The following EML1 variants were observed in gnomAD, a reference collection of about 807,000 sequenced individuals.
EML1 encodes echinoderm microtubule-associated protein-like 1.
EML1 carries 27 observed loss-of-function variants against 110.4 expected under a neutral mutation model. The ratio of observed to expected loss-of-function variants is 0.24; its 90% CI spans 0.18 to 0.34. EML1 has a LOEUF of 0.34. EML1 is among the 10% of genes least tolerant of loss of function. The pLI is 1.00. For synonymous variants in EML1, 344 were observed against 385.8 expected, an observed-to-expected ratio of 0.89 and a Z score of 1.27; for missense variants, 741 against 1,030.9, an observed-to-expected ratio of 0.72 and a Z score of 3.85.
chr14:99,820,950 A>G (rs898380246), intron 1 of EML1, among the ~76,000 whole-genome samples: 21 of 151,762 alleles, frequency 1.4e-4, no homozygotes, highest in African/African-American at 2.4e-4. Context: ...CCCGCCCCCA[A>G]TTGCATTTGA....
chr14:99,841,194 C>G (rs2058626784), intron 1 of EML1, among the ~76,000 whole-genome samples: 1 of 152,218 alleles, frequency 6.6e-6, no homozygotes, highest in Non-Finnish European at 1.5e-5. Context: ...CATCACATTT[C>G]CTCAACTTGG....
chr14:99,781,264 GC>G lies in EML1; in HGVS notation c.-27+7253del, dbSNP rs919810697. 1.2e-4 allele frequency among the ~76,000 whole-genome samples: 19 copies of G among 152,018 alleles called. No individual in the cohort carries two copies. The highest frequency in any genetic ancestry group is 5.2e-4 in the Admixed American group (8 of 15,262). On this transcript the variant is annotated intron_variant, in intron 1 of 22. Transcript: ENST00000327921. The surrounding 1 kb of genome is among the most constrained non-coding windows in gnomAD (Gnocchi z 4.2). ...CGCCCCCTCAGGTGGGTTTCCCGGT[GC>G]CTTTCTCCTCCCCCACCACCTGTTT...
intron 1 of EML1, among the ~76,000 whole-genome samples, chr14:99,831,015 G>T (rs1439745759): frequency 6.6e-6 from 1 of 152,148 alleles, no homozygotes; most frequent in East Asian, 1.9e-4. Context: ...ATACTGTCCT[G>T]TGTCATCTAA....
intron 6 of EML1, among the ~76,000 whole-genome samples, chr14:99,896,905 TAAAAC>T (rs1439223246): frequency 6.6e-6 from 1 of 152,178 alleles, no homozygotes; most frequent in Non-Finnish European, 1.5e-5. Context: ...TTTCTAAAAA[TAAAAC>T]CAAATCATTG....
At chr14:99,745,284 T>C (rs182987634) in intron 1 of EML1, among the ~76,000 whole-genome samples, 1 of 152,326 alleles carries the variant, frequency 6.6e-6, no homozygotes, top group Non-Finnish European at 1.5e-5. Context: ...CAGTCTGGTC[T>C]CAAACTTCTG....
chr14:99,786,301 A>C lies in EML1; in HGVS notation c.-27+12288A>C, dbSNP rs142728337. 1.8e-4 allele frequency among the ~76,000 whole-genome samples: 28 copies of C among 152,244 alleles called. 1 individual carries two copies. In the East Asian group the frequency reaches 5.0e-3, roughly 27 times the overall value. On this transcript the variant is annotated intron_variant, in intron 1 of 22. Coordinates refer to the EML1 transcript ENST00000327921. ...ATGATGGGCAGGGAGGAAATGGAGA[A>C]TGTTACCCTGGAGAAGATGTGTGTT...
intron 2 of EML1, among the ~76,000 whole-genome samples, chr14:99,854,359 C>T (rs772946105): frequency 1.5e-4 from 23 of 152,274 alleles, no homozygotes; most frequent in Non-Finnish European, 2.9e-4. Context: ...ACTAGTATAA[C>T]GATGAGAACT....
At chr14:99,800,458 C>G (rs2057854616) in intron 1 of EML1, among the ~76,000 whole-genome samples, 1 of 151,982 alleles carries the variant, frequency 6.6e-6, no homozygotes, top group African/African-American at 2.4e-5. Flanking sequence ...AACCCTTGGA[C>G]TCTAGCAATC....
intron 1 of EML1, among the ~76,000 whole-genome samples, chr14:99,810,196 C>T (rs1290092505): frequency 6.6e-6 from 1 of 152,190 alleles, no homozygotes; most frequent in African/African-American, 2.4e-5. Context: ...CCTTCAGAAC[C>T]AGCCAGATGC....
chr14:99,774,160 A>T (rs2057457279), intron 1 of EML1: 1 of 152,452 alleles, frequency 6.6e-6, no homozygotes, highest in African/African-American at 2.4e-5. Context: ...ACTCCAGGGG[A>T]GACAGGGAGG....
intron 3 of EML1, among the ~76,000 whole-genome samples, chr14:99,876,072 G>A (rs2059285662): frequency 6.6e-6 from 1 of 152,148 alleles, no homozygotes; most frequent in Non-Finnish European, 1.5e-5. Flanking sequence ...TACTAACTGA[G>A]CCACTGGAAG....
chr14:99,885,628 A>C (rs995368184), intron 4 of EML1, among the ~76,000 whole-genome samples: 1 of 152,164 alleles, frequency 6.6e-6, no homozygotes, highest in Non-Finnish European at 1.5e-5. Context: ...AAAATGTTTC[A>C]CTCTTCAAGC....
intron 2 of EML1, among the ~76,000 whole-genome samples, chr14:99,860,921 T>C (rs1325041612): frequency 6.6e-6 from 1 of 152,160 alleles, no homozygotes; most frequent in African/African-American, 2.4e-5. Context: ...TTTTAAGATA[T>C]AAAATATACA....
At chr14:99,754,714 G>A (rs1201183882) in intron 1 of EML1, among the ~76,000 whole-genome samples, 3 of 152,180 alleles carry the variant, frequency 2.0e-5, no homozygotes, top group Non-Finnish European at 1.5e-5. Flanking sequence ...CCCTCTACCA[G>A]CTGCGTTATC....
intron 17 of EML1, among the ~76,000 whole-genome samples, chr14:99,933,676 T>G (rs2060414722): frequency 6.6e-6 from 1 of 152,274 alleles, no homozygotes; most frequent in Admixed American, 6.5e-5. Flanking sequence ...CACGCCTCAC[T>G]GTCCTCTCTT....
intron 1 of EML1, among the ~76,000 whole-genome samples, chr14:99,752,035 C>T (rs149393344): frequency 2.7e-4 from 41 of 152,208 alleles, no homozygotes; most frequent in Middle Eastern, 3.4e-3. Flanking sequence ...TTTTGCCAGC[C>T]CTTGCTGGAG....
intron 1 of EML1, among the ~76,000 whole-genome samples, chr14:99,812,389 C>T (rs550200576): frequency 6.6e-6 from 1 of 152,018 alleles, no homozygotes; most frequent in African/African-American, 2.4e-5. Flanking sequence ...TGAATATTTT[C>T]TAACCTAACT....
intron 1 of EML1, among the ~76,000 whole-genome samples, chr14:99,760,385 T>C (rs1457013259): frequency 6.6e-6 from 1 of 152,274 alleles, no homozygotes; most frequent in East Asian, 1.9e-4. Flanking sequence ...TCACAAGCAT[T>C]TCCCACATTG....
At chr14:99,877,371 A>C (rs1344981482) in intron 3 of EML1, among the ~76,000 whole-genome samples, 1 of 152,096 alleles carries the variant, frequency 6.6e-6, no homozygotes, top group African/African-American at 2.4e-5. Context: ...AGTGTGCTCT[A>C]AGAGGGGAAC....
Sources: gnomAD v4.1 joint callset for allele counts (sites outside exome capture counted in the v4.1 genomes callset) on GRCh38, gnomAD v4.1.1 for gene constraint, Gnocchi (gnomAD v3.1) non-coding constraint, MANE v1.5 for transcripts, NCBI Gene and HGNC (gene_info 2026-07-23, HGNC 2026-07-21) for gene names.